The following NALF1 variants were observed in gnomAD, a reference collection of about 807,000 sequenced individuals.
NALF1 encodes NALCN channel auxiliary factor 1, also known as family with sequence similarity 155 member A.
In NALF1, 3 loss-of-function variants were observed where a neutral mutation model predicts 48.4. The ratio of observed to expected loss-of-function variants is 0.06; its 90% confidence interval spans 0.03 to 0.16. The LOEUF is 0.16. Among genes scored for constraint, NALF1 ranks in the 10% least tolerant of loss-of-function variants. The probability of loss-of-function intolerance (pLI) is 1.00; values close to 1 mark genes in which losing one functional copy is unlikely to be tolerated. For synonymous variants in NALF1, 262 were observed against 245.7 expected, an observed-to-expected ratio of 1.07 and a Z score of -0.62; for missense variants, 526 against 571.5, an observed-to-expected ratio of 0.92 and a Z score of 0.81.
chr13:107,685,971 A>T (rs1881423807), intron 1 of NALF1, among the ~76,000 whole-genome samples: 1 of 152,256 alleles, frequency 6.6e-6, no homozygotes, highest in East Asian at 1.9e-4. Flanking sequence ...CAAACAGATA[A>T]GCTACAAATA....
chr13:107,537,569 A>T (rs1876866061), intron 1 of NALF1, among the ~76,000 whole-genome samples: 3 of 152,056 alleles, frequency 2.0e-5, no homozygotes, highest in Admixed American at 6.6e-5. Context: ...GGAATGTGAA[A>T]CTCAAAAGCC....
intron 1 of NALF1, among the ~76,000 whole-genome samples, chr13:107,736,497 G>A (rs1876473684): frequency 6.6e-6 from 1 of 152,100 alleles, no homozygotes; most frequent in Non-Finnish European, 1.5e-5. Context: ...ATTCCTTTGT[G>A]CTTAAAATAC....
intron 2 of NALF1, among the ~76,000 whole-genome samples, chr13:107,199,527 G>C (rs1879465240): frequency 6.6e-6 from 1 of 152,086 alleles, no homozygotes; most frequent in African/African-American, 2.4e-5. Flanking sequence ...TGGGGGTTAG[G>C]ATGTCAACAT....
chr13:107,218,319 T>C (rs1293164657), intron 1 of NALF1, among the ~76,000 whole-genome samples: 1 of 152,224 alleles, frequency 6.6e-6, no homozygotes, highest in Non-Finnish European at 1.5e-5. Context: ...CCAGACCCTA[T>C]GCTCTTGGAA....
At chr13:107,367,313 T>C (rs920313813) in intron 1 of NALF1, among the ~76,000 whole-genome samples, 16 of 152,152 alleles carry the variant, frequency 1.1e-4, no homozygotes, top group Non-Finnish European at 2.4e-4. Flanking sequence ...TCATACAACC[T>C]AGGCCTGGGC....
Position 107,210,674 on chromosome 13 carries a change from A to G in NALF1, c.997T>C (p.Tyr333His). Residue 333 changes from tyrosine (Y) to histidine (H), a missense_variant, in exon 2 of 3, where the codon TAC becomes CAC. By Grantham distance (83) the Tyr-to-His change is moderately conservative. Transcript: ENST00000375915. ...NCRKTIPCKQ[Y>H]CLEVQTRCPF... ...CACCTCGTCTGAACCTCCAAACAGT[A>G]TTGCTTGCAAGGAATTGTCTTTCTG... 1 of 1,611,774 alleles carries G rather than the reference A, an allele frequency of 6.2e-7. No individual in the cohort carries two copies. Among genetic ancestry groups the G allele is most frequent in the Admixed American group, 1.7e-5 (1 of 60,016 alleles).
At chr13:107,584,051 C>G (rs1878384808) in intron 1 of NALF1, among the ~76,000 whole-genome samples, 1 of 150,030 alleles carries the variant, frequency 6.7e-6, no homozygotes, top group African/African-American at 2.4e-5. Flanking sequence ...TGAAGGATAT[C>G]TGGTACCTGA....
rs75037487 is a variant in NALF1 at position 107,460,826 on chromosome 13, C to G, written c.916-250071G>C. Among the ~76,000 whole-genome samples the G allele has an allele frequency of 6.4e-3, 970 of 152,190 alleles. 33 individuals carry two copies. The East Asian group carries it at 0.11, about 17-fold the overall frequency. ...ATTTCTTCTAAGGATTCTTTGCAGA[C>G]TATATCAAATTTTGCCTTTAAATGT... On this transcript the variant is annotated intron_variant, in intron 1 of 2. Coordinates refer to ENST00000375915, the MANE Select transcript of NALF1 (RefSeq NM_001080396.3).
At chr13:107,606,920 A>G (rs1879089146) in intron 1 of NALF1, among the ~76,000 whole-genome samples, 1 of 152,300 alleles carries the variant, frequency 6.6e-6, no homozygotes, top group Non-Finnish European at 1.5e-5. Flanking sequence ...GAAATTTAAC[A>G]TTGCTAACAT....
At chr13:107,456,968 T>A (rs534803915) in intron 1 of NALF1, among the ~76,000 whole-genome samples, 5 of 152,270 alleles carry the variant, frequency 3.3e-5, no homozygotes, top group Admixed American at 2.6e-4. Flanking sequence ...TAAATTTTTT[T>A]ATTAAAGCTC....
At chr13:107,464,065 C>T (rs533503558) in intron 1 of NALF1, among the ~76,000 whole-genome samples, 20 of 152,210 alleles carry the variant, frequency 1.3e-4, no homozygotes, top group African/African-American at 4.6e-4. Context: ...TCCAATCCAC[C>T]TGCCTGACCC....
At chr13:107,603,222 AG>A (rs1434437436) in intron 1 of NALF1, among the ~76,000 whole-genome samples, 1 of 152,206 alleles carries the variant, frequency 6.6e-6, no homozygotes, top group Non-Finnish European at 1.5e-5. Context: ...AAAAATTTCT[AG>A]TTAAAACACA....
At chr13:107,667,995 G>GA (rs60837030) in intron 1 of NALF1, among the ~76,000 whole-genome samples, 4,037 of 152,080 alleles carry the variant, frequency 0.027, 180 homozygotes, top group African/African-American at 0.093. Context: ...ATTTACAATG[G>GA]AAAAATATGT....
Position 107,642,321 on chromosome 13 carries a change from A to G in NALF1, c.915+223361T>C, listed in dbSNP as rs1310320804. 2.0e-5 allele frequency among the ~76,000 whole-genome samples: 3 copies of G among 152,208 alleles called. No individual in the cohort carries two copies. In the East Asian group the frequency reaches 5.8e-4, roughly 29 times the overall value. On this transcript the variant is annotated intron_variant, in intron 1 of 2. Transcript: ENST00000375915. ...AAATATTGGCTATGCCCACACAATA[A>G]GAATATATCTGAATTGAAGTCAGCA...
intron 1 of NALF1, among the ~76,000 whole-genome samples, chr13:107,542,793 T>A (rs1877032671): frequency 6.6e-6 from 1 of 152,138 alleles, no homozygotes; most frequent in Non-Finnish European, 1.5e-5. Flanking sequence ...AGCTTCAAAT[T>A]TTTCTTAGAA....
In NALF1 at chr13:107,577,684, T is replaced by C. The variant is rs542430748; in HGVS notation, c.915+287998A>G. 1.3e-3 allele frequency among the ~76,000 whole-genome samples: 195 copies of C among 152,286 alleles called. 2 individuals are homozygous for C. Among genetic ancestry groups the C allele is most frequent in the African/African-American group, 4.4e-3 (184 of 41,556 alleles). On this transcript the variant is annotated intron_variant, in intron 1 of 2. Coordinates refer to ENST00000375915, the MANE Select transcript of NALF1 (RefSeq NM_001080396.3). ...GCTGATTTGGAAGATCTATTTTTTG[T>C]TACATTTTCTCTCCCTCAAGTTTTC...
chr13:107,602,303 G>C (rs1028612267), intron 1 of NALF1, among the ~76,000 whole-genome samples: 21 of 152,168 alleles, frequency 1.4e-4, no homozygotes, highest in Non-Finnish European at 2.8e-4. Flanking sequence ...ACTGTGGTTA[G>C]AAAGCGGCTG....
At position 107,534,324 on chromosome 13, in the gene NALF1, T is replaced by A. The variant is rs987539472; in HGVS notation, c.916-323569A>T. ...TTTTAAAATTGCTAAAATATGTTTA[T>A]ATTTATTTTGATGCATATTAACATT... On this transcript the variant is annotated intron_variant, in intron 1 of 2. Coordinates refer to ENST00000375915, the MANE Select transcript of NALF1 (RefSeq NM_001080396.3). 6.6e-5 allele frequency among the ~76,000 whole-genome samples: 10 copies of A among 152,288 alleles called. 1 individual carries two copies. The highest frequency in any genetic ancestry group is 1.4e-4 in the African/African-American group (6 of 41,566).
chr13:107,183,606 G>GTGAT (rs1879111387), intron 2 of NALF1, among the ~76,000 whole-genome samples: 1 of 152,162 alleles, frequency 6.6e-6, no homozygotes, highest in South Asian at 2.1e-4. Context: ...ATGGCCCTCA[G>GTGAT]TGATAGGCTG....
Sources: allele counts gnomAD v4.1 joint callset (sites outside exome capture counted in the v4.1 genomes callset), GRCh38; gene constraint gnomAD v4.1.1; transcripts MANE v1.5; gene names NCBI Gene and HGNC (gene_info 2026-07-23, HGNC 2026-07-21).